EXT1: variants seen among roughly 807,000 people sequenced by gnomAD.
The protein encoded by EXT1 is exostosin glycosyltransferase 1.
In EXT1, 20 loss-of-function variants were observed where a neutral mutation model predicts 82.5. The ratio of observed to expected loss-of-function variants is 0.24; its 90% CI spans 0.17 to 0.35. EXT1 has a LOEUF of 0.35. Ranked by LOEUF, EXT1 falls within the 10% of genes least tolerant of loss-of-function variation. EXT1 has a pLI of 1.00. For synonymous variants in EXT1, 348 were observed against 350.8 expected, an observed-to-expected ratio of 0.99 and a Z score of 0.09; for missense variants, 757 against 936.5, an observed-to-expected ratio of 0.81 and a Z score of 2.50.
At position 117,849,016 on chromosome 8, in the gene EXT1, T is replaced by C. The variant is rs919932094; in HGVS notation, c.963-11815A>G. ...ACATCTCTGACTGCCCCATCCTCAG[T>C]CACCATCTACAGCTACAAAGTCCGG... On this transcript the variant is annotated intron_variant, in intron 1 of 10. Transcript: ENST00000378204. Among the ~76,000 whole-genome samples, 5 of 152,312 alleles carry C rather than the reference T, an allele frequency of 3.3e-5. No homozygotes were observed. In the East Asian group the frequency reaches 7.7e-4, roughly 24 times the overall value.
intron 1 of EXT1, among the ~76,000 whole-genome samples, chr8:118,050,868 T>C (rs1816706205): frequency 6.6e-6 from 1 of 152,236 alleles, no homozygotes; most frequent in Non-Finnish European, 1.5e-5. Flanking sequence ...GATATTGCTC[T>C]AAGAATTAGA....
intron 6 of EXT1, 64 bp downstream of exon 6, chr8:117,819,612 G>A: frequency 7.2e-7 from 1 of 1,385,302 alleles, no homozygotes. Context: ...AACAGGTAAG[G>A]AGGGCGGAGT....
chr8:117,866,793 C>CAAAAA (rs10709657), intron 1 of EXT1, among the ~76,000 whole-genome samples: 4 of 91,844 alleles, frequency 4.4e-5, no homozygotes, highest in Non-Finnish European at 4.3e-5. Context: ...CTGGCCTACC[C>CAAAAA]AAAAAAAAAA....
chr8:117,918,331 CA>C (rs1199138693), intron 1 of EXT1, among the ~76,000 whole-genome samples: 1 of 152,202 alleles, frequency 6.6e-6, no homozygotes, highest in Non-Finnish European at 1.5e-5. Flanking sequence ...GATTCTGCCC[CA>C]AAGGAGCTCC....
intron 1 of EXT1, among the ~76,000 whole-genome samples, chr8:118,072,175 A>G (rs1817107303): frequency 1.3e-5 from 2 of 152,230 alleles, no homozygotes; most frequent in Non-Finnish European, 2.9e-5. Context: ...CACGGTGAGC[A>G]TGAAATTAGT....
At chr8:117,847,190 C>T (rs2129818730) in intron 1 of EXT1, among the ~76,000 whole-genome samples, 1 of 152,272 alleles carries the variant, frequency 6.6e-6, no homozygotes, top group Non-Finnish European at 1.5e-5. Flanking sequence ...GCTATGGAAG[C>T]AAGAAGATAA....
chr8:118,010,756 G>A (rs1004969934), intron 1 of EXT1, among the ~76,000 whole-genome samples: 2 of 152,172 alleles, frequency 1.3e-5, no homozygotes, highest in Non-Finnish European at 2.9e-5. Context: ...AGGCTCTGTG[G>A]AACCTCATGA....
chr8:118,035,728 C>T (rs982099267), intron 1 of EXT1, among the ~76,000 whole-genome samples: 8 of 152,120 alleles, frequency 5.3e-5, no homozygotes, highest in African/African-American at 1.9e-4. Context: ...ATTTCTTTCA[C>T]CACATAGCTA....
intron 1 of EXT1, among the ~76,000 whole-genome samples, chr8:117,850,014 G>A (rs191406881): frequency 2.0e-5 from 3 of 152,314 alleles, no homozygotes; most frequent in African/African-American, 7.2e-5. Flanking sequence ...GGGCTGAATG[G>A]CTGGCCATGA....
At chr8:118,056,061 A>C (rs549362245) in intron 1 of EXT1, among the ~76,000 whole-genome samples, 1 of 143,270 alleles carries the variant, frequency 7.0e-6, no homozygotes, top group African/African-American at 2.5e-5. Context: ...CACTTGTGAT[A>C]GCTGATGAGC....
At chr8:118,022,860 A>G (rs1255323765) in intron 1 of EXT1, among the ~76,000 whole-genome samples, 1 of 152,232 alleles carries the variant, frequency 6.6e-6, no homozygotes, top group Non-Finnish European at 1.5e-5. Context: ...TGGGGAAGGC[A>G]GTAAAAATAA....
At chr8:117,857,113 C>A (rs1389095139) in intron 1 of EXT1, among the ~76,000 whole-genome samples, 4 of 152,194 alleles carry the variant, frequency 2.6e-5, no homozygotes, top group Non-Finnish European at 5.9e-5. Context: ...ACCGTTGAGA[C>A]CTACGGCTTA....
intron 1 of EXT1, among the ~76,000 whole-genome samples, chr8:117,850,173 G>A (rs1471831546): frequency 1.3e-5 from 2 of 152,212 alleles, no homozygotes; most frequent in Non-Finnish European, 2.9e-5. Flanking sequence ...TTGTTGCTTG[G>A]TTTCCATTAA....
At chr8:118,099,649 G>C (rs1421475188) in intron 1 of EXT1, among the ~76,000 whole-genome samples, 1 of 152,226 alleles carries the variant, frequency 6.6e-6, no homozygotes, top group African/African-American at 2.4e-5. Context: ...CACTTTTAAA[G>C]ACTGTCTGCT....
intron 1 of EXT1, among the ~76,000 whole-genome samples, chr8:117,867,240 CA>C (rs1450301314): frequency 7.6e-6 from 1 of 130,770 alleles, no homozygotes; most frequent in Non-Finnish European, 1.6e-5. Flanking sequence ...GCCTGGGCGA[CA>C]GAGTGAGACT....
At chr8:117,893,018 A>G (rs1482095170) in intron 1 of EXT1, among the ~76,000 whole-genome samples, 1 of 152,264 alleles carries the variant, frequency 6.6e-6, no homozygotes, top group Non-Finnish European at 1.5e-5. Context: ...CTACATTTAA[A>G]ATTGTGTTTA....
chr8:117,939,845 A>G (rs1814239729), intron 1 of EXT1, among the ~76,000 whole-genome samples: 1 of 152,204 alleles, frequency 6.6e-6, no homozygotes, highest in African/African-American at 2.4e-5. Flanking sequence ...ACCACATCTT[A>G]TTCACTTTTG....
intron 3 of EXT1, 85 bp downstream of exon 3, chr8:117,835,359 A>C: frequency 1.0e-6 from 1 of 977,856 alleles, no homozygotes. Flanking sequence ...TATAGAGCTG[A>C]CCTTTTGGAT....
chr8:118,098,180 CA>C (rs1038286905), intron 1 of EXT1, among the ~76,000 whole-genome samples: 4 of 152,108 alleles, frequency 2.6e-5, no homozygotes, highest in Admixed American at 6.5e-5. Flanking sequence ...TGATTTCTAC[CA>C]ATCCGTCAGG....
Sources: gnomAD v4.1 joint callset for allele counts (sites outside exome capture counted in the v4.1 genomes callset) on GRCh38, gnomAD v4.1.1 for gene constraint, MANE v1.5 for transcripts, NCBI Gene and HGNC (gene_info 2026-07-23, HGNC 2026-07-21) for gene names.